The following SMOC2 variants were observed in gnomAD, a reference collection of about 807,000 sequenced individuals.
The protein encoded by SMOC2 is SPARC-related modular calcium-binding protein 2.
SMOC2 carries 39 observed loss-of-function variants against 61.4 expected under a neutral mutation model. That is an observed-to-expected ratio of 0.64 (90% confidence interval 0.49 to 0.83). The LOEUF (loss-of-function observed/expected upper bound fraction) is 0.83, where lower values mean the gene tolerates loss of function less well. Ranked by LOEUF, SMOC2 falls within the 40% of genes least tolerant of loss-of-function variation. SMOC2 has a pLI of 0.00. For missense variants in SMOC2, 556 were observed against 592.9 expected (o/e 0.94, Z 0.65); for synonymous variants, 247 against 239.9 (o/e 1.03, Z -0.27).
intron 9 of SMOC2, among the ~76,000 whole-genome samples, chr6:168,649,598 T>C (rs899831057): frequency 6.6e-6 from 1 of 152,208 alleles, no homozygotes; most frequent in African/African-American, 2.4e-5. Flanking sequence ...GCTCCGTTTG[T>C]CACCTCTCCC....
rs1169604002 is a variant in SMOC2, at chr6:168,553,110, CT to C, written c.637+3908del. On this transcript the variant is annotated intron_variant, in intron 7 of 12. Transcript: ENST00000356284. This position sits in a 1 kb window ranked among gnomAD's most constrained non-coding sequence, Gnocchi z 4.2. ...TGGAAAAGAGAGAATCTAGGCACCC[CT>C]AGAGGTTGCCTATTAGACTTATATT... 6.6e-6 allele frequency among the ~76,000 whole-genome samples: 1 copy of C among 152,086 alleles called. No homozygotes were observed. Among genetic ancestry groups the C allele is most frequent in the Non-Finnish European group, 1.5e-5 (1 of 68,026 alleles).
At chr6:168,612,764 A>G (rs1430703935) in intron 9 of SMOC2, among the ~76,000 whole-genome samples, 1 of 152,190 alleles carries the variant, frequency 6.6e-6, no homozygotes, top group Non-Finnish European at 1.5e-5. Flanking sequence ...GCAAGAGGCC[A>G]TCGGCACAAC....
chr6:168,636,057 C>T (rs1786709492), intron 9 of SMOC2, among the ~76,000 whole-genome samples: 1 of 152,138 alleles, frequency 6.6e-6, no homozygotes, highest in Non-Finnish European at 1.5e-5. Flanking sequence ...GGAGGAATAG[C>T]ATGTCTGTTG....
At position 168,525,245 on chromosome 6, in the gene SMOC2, C is replaced by T. The variant is rs554904785; in HGVS notation, c.257-1101C>T. Among the ~76,000 whole-genome samples, 40 of 152,358 alleles carry T rather than the reference C, an allele frequency of 2.6e-4. 1 individual carries two copies. Among genetic ancestry groups the T allele is most frequent in the African/African-American group, 7.9e-4 (33 of 41,582 alleles). On this transcript the variant is annotated intron_variant, in intron 2 of 12. Coordinates refer to ENST00000356284, the MANE Select transcript of SMOC2 (RefSeq NM_001166412.2). ...AGGCGGCCCATGGCAGCCAACGTGA[C>T]GTCGTCTCCTGTGGTGGGAGGCTGT...
At chr6:168,560,048 G>C (rs573755924) in intron 7 of SMOC2, among the ~76,000 whole-genome samples, 1 of 152,330 alleles carries the variant, frequency 6.6e-6, no homozygotes, top group African/African-American at 2.4e-5. Context: ...ATGTGTATGT[G>C]TGTAACCACA....
At chr6:168,480,202 C>A (rs1384896441) in intron 1 of SMOC2, among the ~76,000 whole-genome samples, 1 of 152,014 alleles carries the variant, frequency 6.6e-6, no homozygotes, top group Non-Finnish European at 1.5e-5. Flanking sequence ...CAGTTTTTAA[C>A]AAGAAGTTAC....
chr6:168,595,011 G>T (rs371710860), intron 7 of SMOC2, among the ~76,000 whole-genome samples: 120 of 36,420 alleles, frequency 3.3e-3, no homozygotes, highest in Admixed American at 0.017. Flanking sequence ...CTAGAGGATC[G>T]CCGAGCTCCT....
intron 1 of SMOC2, among the ~76,000 whole-genome samples, chr6:168,449,903 A>G (rs1461432240): frequency 2.0e-5 from 3 of 152,222 alleles, no homozygotes; most frequent in African/African-American, 4.8e-5. Context: ...GGCCGCATCA[A>G]AGAAGAAGCA....
intron 12 of SMOC2, 133 bp from the exon 13 acceptor site, chr6:168,666,288 C>A: frequency 1.7e-6 from 1 of 604,308 alleles, no homozygotes; most frequent in Non-Finnish European, 2.8e-6. Context: ...GTTTCTTACT[C>A]ATACTTACAC....
At chr6:168,619,997 T>C (rs1786204630) in intron 9 of SMOC2, among the ~76,000 whole-genome samples, 1 of 152,194 alleles carries the variant, frequency 6.6e-6, no homozygotes, top group Non-Finnish European at 1.5e-5. Flanking sequence ...GGCTCTGTGC[T>C]CCCTGAGGTT....
At chr6:168,609,900 T>C (rs532534081) in intron 9 of SMOC2, among the ~76,000 whole-genome samples, 58 of 152,316 alleles carry the variant, frequency 3.8e-4, no homozygotes, top group African/African-American at 1.3e-3. Context: ...CGAGTGCAAT[T>C]TATGGAAGTC....
intron 9 of SMOC2, among the ~76,000 whole-genome samples, chr6:168,642,095 G>C (rs1786903864): frequency 6.6e-6 from 1 of 152,140 alleles, no homozygotes; most frequent in South Asian, 2.1e-4. Context: ...TTGGATAAAA[G>C]AAAAACTTCA....
In SMOC2 at chr6:168,558,973, G is replaced by A. The variant is rs116821825; in HGVS notation, c.637+9770G>A. Among the ~76,000 whole-genome samples, 651 of 152,336 alleles carry A rather than the reference G, an allele frequency of 4.3e-3. 5 individuals are homozygous for A. The highest frequency in any genetic ancestry group is 0.015 in the African/African-American group (625 of 41,570). On this transcript the variant is annotated intron_variant, in intron 7 of 12. Coordinates refer to ENST00000356284, the MANE Select transcript of SMOC2 (RefSeq NM_001166412.2). ...CGTGTGCATGTGTGTGTACGTGTAT[G>A]CGTGCACACATGCATGTTTACTGTA...
At chr6:168,597,231 C>T (rs1057270462) in intron 7 of SMOC2, among the ~76,000 whole-genome samples, 2 of 152,206 alleles carry the variant, frequency 1.3e-5, no homozygotes, top group African/African-American at 4.8e-5. Flanking sequence ...CTAATAGCAA[C>T]ATTTGGTAAT....
intron 9 of SMOC2, among the ~76,000 whole-genome samples, chr6:168,637,275 C>A (rs1020767331): frequency 6.6e-6 from 1 of 151,982 alleles, no homozygotes; most frequent in Non-Finnish European, 1.5e-5. Flanking sequence ...CCAGATGACG[C>A]CTGTGTGCCA....
intron 12 of SMOC2, chr6:168,665,297 G>C: frequency 6.5e-6 from 1 of 154,190 alleles, no homozygotes; most frequent in Non-Finnish European, 1.4e-5. Flanking sequence ...TATAGTGCCT[G>C]CGTGGACACG....
intron 9 of SMOC2, 71 bp downstream of exon 9, chr6:168,608,310 A>G (rs1220249895): frequency 6.7e-7 from 1 of 1,496,954 alleles, no homozygotes; most frequent in African/African-American, 1.4e-5. Flanking sequence ...ATTTGGAATG[A>G]AAAAGACTTT....
At chr6:168,596,544 G>A (rs530325849) in intron 7 of SMOC2, among the ~76,000 whole-genome samples, 8 of 152,218 alleles carry the variant, frequency 5.3e-5, no homozygotes, top group Non-Finnish European at 1.0e-4. Flanking sequence ...TGAGTTTCCC[G>A]GGTGCTGCTG....
intron 2 of SMOC2, among the ~76,000 whole-genome samples, chr6:168,518,583 ATGTG>A (rs1366771682): frequency 1.2e-4 from 16 of 132,468 alleles, no homozygotes; most frequent in Non-Finnish European, 2.2e-4. Flanking sequence ...CAATGCATGT[ATGTG>A]TGTGAATGTG....
Sources: gnomAD v4.1 joint callset for allele counts (sites outside exome capture counted in the v4.1 genomes callset) on GRCh38, gnomAD v4.1.1 for gene constraint, Gnocchi (gnomAD v3.1) non-coding constraint, MANE v1.5 for transcripts, NCBI Gene and HGNC (gene_info 2026-07-23, HGNC 2026-07-21) for gene names.